Variants in ABLIM2 observed in about 807,000 individuals in gnomAD.
ABLIM2 encodes the protein actin-binding LIM protein 2.
Under a neutral mutation model 97.7 loss-of-function variants are expected in ABLIM2, and 53 were observed. That is an observed-to-expected ratio of 0.54 (90% CI 0.44 to 0.68). ABLIM2 has a LOEUF of 0.68. Ranked by LOEUF, ABLIM2 falls within the 30% of genes least tolerant of loss-of-function variation. The pLI is 0.00. For missense variants in ABLIM2, 835 were observed against 867.2 expected, an observed-to-expected ratio of 0.96 and a Z score of 0.47; for synonymous variants, 361 against 345.8, an observed-to-expected ratio of 1.04 and a Z score of -0.49.
At chr4:8,116,958 T>C (rs1382721763) in intron 1 of ABLIM2, among the ~76,000 whole-genome samples, 1 of 152,208 alleles carries the variant, frequency 6.6e-6, no homozygotes, top group Non-Finnish European at 1.5e-5. Flanking sequence ...ATACAAAAAC[T>C]CCCTGGTATA....
chr4:8,080,662 C>G lies in ABLIM2; in HGVS notation c.581+14G>C, dbSNP rs749674795. 2 of 1,592,760 alleles carry G rather than the reference C, an allele frequency of 1.3e-6. No individual in the cohort carries two copies. The highest frequency in any genetic ancestry group is 1.7e-6 in the Non-Finnish European group (2 of 1,166,640). On this transcript the variant is annotated intron_variant, in intron 5 of 20. Coordinates refer to ENST00000447017, the MANE Select transcript of ABLIM2 (RefSeq NM_001130083.2). ...CTGAGCGGAGGCTCTCACTAGAGCC[C>G]TCCCCCCACTTACTTGCTGATGTAC...
Position 8,071,692 on chromosome 4 carries a change from A to ATG in ABLIM2, c.675+5935_675+5936insCA. 6.4e-6 allele frequency: 6 copies of ATG among 937,536 alleles called. No individual in the cohort carries two copies. The highest frequency in any genetic ancestry group is 1.2e-4 in the East Asian group (1 of 8,568). The allele number at this position is 937,536 out of a possible 1,614,324, so 58.1% of individuals were successfully genotyped here. A position where few individuals can be genotyped will look rare whatever the true frequency, so the allele number is the denominator to read the frequency against. On this transcript the variant is annotated intron_variant, in intron 6 of 20. Coordinates refer to ENST00000447017, the MANE Select transcript of ABLIM2 (RefSeq NM_001130083.2). This position sits in a 1 kb window ranked among gnomAD's most constrained non-coding sequence, Gnocchi z 6.2. ...CACACCTGACTGCTCTGTCCCCAAA[A>ATG]ACCCACCCACCCGCAGCCCCTCCTG...
chr4:8,097,407 A>G, intron 2 of ABLIM2, 125 bp from the exon 3 acceptor site: 2 of 1,202,678 alleles, frequency 1.7e-6, no homozygotes, highest in South Asian at 2.9e-5. Flanking sequence ...GCCTCGGCAC[A>G]CACTTGGGGT....
chr4:8,009,130 GC>G (rs1763255171), intron 14 of ABLIM2, 28 bp from the exon 15 acceptor site: 1 of 1,613,762 alleles, frequency 6.2e-7, no homozygotes, highest in Non-Finnish European at 8.5e-7. Flanking sequence ...ATTTGTAAAG[GC>G]CACACACCAT....
At chr4:8,089,732 C>CAAAAA (rs58396378) in intron 3 of ABLIM2, among the ~76,000 whole-genome samples, 26 of 87,602 alleles carry the variant, frequency 3.0e-4, no homozygotes, top group East Asian at 6.8e-4. Context: ...AGATTCATAT[C>CAAAAA]AAAAAAAAAA....
In ABLIM2 at chr4:8,015,658, GAGTGA is replaced by G. The variant is rs1292967268; in HGVS notation, c.1423+3955_1423+3959del. Among the ~76,000 whole-genome samples, 1 of 152,170 alleles carries G rather than the reference GAGTGA, an allele frequency of 6.6e-6. No individual in the cohort carries two copies. The highest frequency in any genetic ancestry group is 2.4e-5 in the African/African-American group (1 of 41,432). On this transcript the variant is annotated intron_variant, in intron 14 of 20. Transcript: ENST00000447017. This position sits in a 1 kb window ranked among gnomAD's most constrained non-coding sequence, Gnocchi z 4.6. ...TCCACTGTTGGCTTTGGGTGGGCAG[GAGTGA>G]CAGCCCCCACCTGCCGGACAAGTGG...
chr4:7,995,524 G>T (rs975660843), intron 16 of ABLIM2, among the ~76,000 whole-genome samples: 3 of 152,174 alleles, frequency 2.0e-5, no homozygotes, highest in Non-Finnish European at 4.4e-5. Context: ...TTTCATTTGG[G>T]GGTTCCTCAT....
At chr4:8,025,278 C>A (rs943304553) in intron 12 of ABLIM2, among the ~76,000 whole-genome samples, 2 of 152,292 alleles carry the variant, frequency 1.3e-5, no homozygotes, top group East Asian at 1.9e-4. Flanking sequence ...GCCGGGGGAA[C>A]CAGGGCAGAG....
chr4:8,044,641 G>GACACACAC lies in ABLIM2; in HGVS notation c.900+515_900+522dup, dbSNP rs531358817. Among the ~76,000 whole-genome samples the GACACACAC allele has an allele frequency of 8.1e-3, 1,012 of 124,206 alleles. 10 individuals carry two copies. Among genetic ancestry groups the GACACACAC allele is most frequent in the African/African-American group, 0.016 (600 of 37,328 alleles). The allele number at this position is 124,206 out of a possible 152,430, so 81.5% of individuals were successfully genotyped here. A position where few individuals can be genotyped will look rare whatever the true frequency, so the allele number is the denominator to read the frequency against. Reference sequence around the variant, plus strand: ...ATTATGGAAGCGTGTGAGGCGCACAGACACACACACACACACACACACACA... The same window carrying GACACACAC: ...ATTATGGAAGCGTGTGAGGCGCACAGACACACACACACACACACACACACACACACACA... On this transcript the variant is annotated intron_variant, in intron 9 of 20. Coordinates refer to ENST00000447017, the MANE Select transcript of ABLIM2 (RefSeq NM_001130083.2). The surrounding 1 kb of genome is among the most constrained non-coding windows in gnomAD (Gnocchi z 4.4).
chr4:8,027,743 T>A lies in ABLIM2; in HGVS notation c.1267+16A>T. 1 of 1,552,820 alleles carries A rather than the reference T, an allele frequency of 6.4e-7. No individual in the cohort carries two copies. The highest frequency in any genetic ancestry group is 2.4e-5 in the East Asian group (1 of 41,370). On this transcript the variant is annotated intron_variant, in intron 12 of 20. Coordinates refer to ENST00000447017, the MANE Select transcript of ABLIM2 (RefSeq NM_001130083.2). ...CACCCATGAGCACCCACAGCCCACATCACTGCGTGCCTTACCTCGGAAGTA... is the reference window on the plus strand; with the variant it reads ...CACCCATGAGCACCCACAGCCCACAACACTGCGTGCCTTACCTCGGAAGTA...
rs1813284825 is a variant in ABLIM2 at position 8,072,956 on chromosome 4, G to A, written c.675+4672C>T. Among the ~76,000 whole-genome samples the A allele has an allele frequency of 2.6e-5, 4 of 152,188 alleles. No individual in the cohort carries two copies. Among genetic ancestry groups the A allele is most frequent in the Admixed American group, 2.6e-4 (4 of 15,292 alleles). On this transcript the variant is annotated intron_variant, in intron 6 of 20. Transcript: ENST00000447017. This position sits in a 1 kb window ranked among gnomAD's most constrained non-coding sequence, Gnocchi z 5.8. ...GCCCCCGGATCTGCAGAAGAGCAGG[G>A]AGAGTACAGGTGGAGGAGCACAGAG...
chr4:8,060,965 A>T lies in ABLIM2; in HGVS notation c.763+2T>A. ...GACCAAACAACACATTTTAATTTGT[A>T]CCTTGAAGATACATCTCTTCGCCTT... is the stretch of plus-strand genomic sequence containing the variant. On this transcript the variant is annotated splice_donor_variant, in intron 7 of 20. Coordinates refer to ENST00000447017, the MANE Select transcript of ABLIM2 (RefSeq NM_001130083.2). LOFTEE classifies it high-confidence loss of function. 6.3e-7 allele frequency: 1 copy of T among 1,580,660 alleles called. No individual in the cohort carries two copies. The highest frequency in any genetic ancestry group is 8.6e-7 in the Non-Finnish European group (1 of 1,162,752).
intron 20 of ABLIM2, among the ~76,000 whole-genome samples, chr4:7,976,762 TAC>T (rs1350007757): frequency 5.9e-5 from 9 of 151,760 alleles, no homozygotes; most frequent in Non-Finnish European, 1.0e-4. Context: ...CACACACATA[TAC>T]AGACACATAT....
chr4:8,131,634 G>A (rs1578428318), intron 1 of ABLIM2, among the ~76,000 whole-genome samples: 1 of 148,768 alleles, frequency 6.7e-6, no homozygotes, highest in East Asian at 2.0e-4. Flanking sequence ...GCATCCCTGA[G>A]CACAGCAGCC....
rs1744632969 is a variant in ABLIM2, at chr4:7,986,855, T to C, written c.1681-1962A>G. Among the ~76,000 whole-genome samples, 1 of 152,142 alleles carries C rather than the reference T, an allele frequency of 6.6e-6. No homozygotes were observed. The highest frequency in any genetic ancestry group is 2.4e-5 in the African/African-American group (1 of 41,426). On this transcript the variant is annotated intron_variant, in intron 17 of 20. Coordinates refer to ENST00000447017, the MANE Select transcript of ABLIM2 (RefSeq NM_001130083.2). The surrounding 1 kb of genome is among the most constrained non-coding windows in gnomAD (Gnocchi z 4.3). Reference sequence around the variant, plus strand: ...GGCGAGATAATTTTTGTATTTTTAGTAGAGATGGGTTTCACATGTTGGCTA... The same window carrying C: ...GGCGAGATAATTTTTGTATTTTTAGCAGAGATGGGTTTCACATGTTGGCTA...
intron 16 of ABLIM2, among the ~76,000 whole-genome samples, chr4:7,993,675 T>TC (rs1750751668): frequency 6.6e-6 from 1 of 152,054 alleles, no homozygotes. Context: ...AGATCCTGTC[T>TC]CTAAAAAAAT....
rs548698229 is a variant in ABLIM2, at chr4:8,146,363, T to A, written c.10+12317A>T. 1.4e-4 allele frequency among the ~76,000 whole-genome samples: 22 copies of A among 152,266 alleles called. No individual in the cohort carries two copies. The East Asian group carries it at 4.0e-3, about 28-fold the overall frequency. ...GCCGCATGACATGTGACGTCACAACTGATTTAACACAGGGCAGACGTCAGA... is the reference window on the plus strand; with the variant it reads ...GCCGCATGACATGTGACGTCACAACAGATTTAACACAGGGCAGACGTCAGA... On this transcript the variant is annotated intron_variant, in intron 1 of 20. Coordinates refer to ENST00000447017, the MANE Select transcript of ABLIM2 (RefSeq NM_001130083.2).
chr4:8,056,792 C>T (rs1316097273), intron 7 of ABLIM2, among the ~76,000 whole-genome samples: 1 of 151,522 alleles, frequency 6.6e-6, no homozygotes, highest in Non-Finnish European at 1.5e-5. Flanking sequence ...ATTAGCTGGG[C>T]ATGGTGGCGG....
At position 7,965,502 on chromosome 4, in the gene ABLIM2, A is replaced by G. The variant is rs374131333; in HGVS notation, c.*1488T>C. 6.6e-6 allele frequency: 1 copy of G among 152,590 alleles called. No homozygotes were observed. Among genetic ancestry groups the G allele is most frequent in the Non-Finnish European group, 1.5e-5 (1 of 68,046 alleles). The allele number at this position is 152,590 out of a possible 1,614,324, so 9.5% of individuals were successfully genotyped here. A position where few individuals can be genotyped will look rare whatever the true frequency, so the allele number is the denominator to read the frequency against. On this transcript the variant is annotated 3_prime_UTR_variant, in exon 21 of 21. Transcript: ENST00000447017. ...CTGGGCGGGTGAGAAGCCGAGTGCG[A>G]AACGGGACTTGGCGTGTCATGGGCG... is the stretch of plus-strand genomic sequence containing the variant.
Sources: gnomAD v4.1 joint callset for allele counts (sites outside exome capture counted in the v4.1 genomes callset) on GRCh38, gnomAD v4.1.1 for gene constraint, Gnocchi (gnomAD v3.1) non-coding constraint, MANE v1.5 for transcripts, NCBI Gene and HGNC (gene_info 2026-07-23, HGNC 2026-07-21) for gene names.